Variants in PIEZO2 observed in about 807,000 individuals in gnomAD.
PIEZO2 encodes the protein piezo-type mechanosensitive ion channel component 2.
A neutral mutation model predicts 337.3 loss-of-function variants in PIEZO2; 172 were observed. The observed-to-expected ratio is 0.51, with a 90% confidence interval of 0.45 to 0.58. The LOEUF (loss-of-function observed/expected upper bound fraction) is 0.58. Ranked by LOEUF, PIEZO2 falls within the 20% of genes least tolerant of loss-of-function variation. The pLI, the probability that PIEZO2 is intolerant of heterozygous loss-of-function variation, is 0.00. For synonymous variants in PIEZO2, 1,251 were observed against 1,228.5 expected (o/e 1.02, Z -0.38); for missense variants, 3,028 against 3,391.3 (o/e 0.89, Z 2.66).
intron 2 of PIEZO2, among the ~76,000 whole-genome samples, chr18:11,060,738 C>T (rs2037919265): frequency 6.6e-6 from 1 of 152,182 alleles, no homozygotes; most frequent in Non-Finnish European, 1.5e-5. Context: ...AGACCAATAA[C>T]AGGCTCTGAA....
At chr18:10,709,449 T>G (rs1019742166) in intron 39 of PIEZO2, 1 of 152,278 alleles carries the variant, frequency 6.6e-6, no homozygotes, top group African/African-American at 2.4e-5. Flanking sequence ...ACTTGTGTGC[T>G]CATGGGCTGG....
At chr18:10,880,037 G>A (rs1338180243) in intron 4 of PIEZO2, among the ~76,000 whole-genome samples, 3 of 152,166 alleles carry the variant, frequency 2.0e-5, no homozygotes, top group African/African-American at 7.2e-5. Flanking sequence ...TACAATTAAC[G>A]GTATTGGTAA....
In PIEZO2 at chr18:10,892,130, T is replaced by C. The variant is rs181733381; in HGVS notation, c.329+19056A>G. Among the ~76,000 whole-genome samples, 31 of 152,256 alleles carry C rather than the reference T, an allele frequency of 2.0e-4. No homozygotes were observed. In the East Asian group the frequency reaches 6.0e-3, roughly 29 times the overall value. ...CATTCATAGCAGCTCTACTCATAAT[T>C]GCCCAAAACTGAAAACAACCCAATT... is the stretch of plus-strand genomic sequence containing the variant. On this transcript the variant is annotated intron_variant, in intron 4 of 55. Transcript: ENST00000674853.
In PIEZO2 at chr18:10,744,240, A is replaced by G; in HGVS notation, c.4425-9T>C. The G allele has an allele frequency of 6.7e-7, 1 of 1,492,516 alleles. No individual in the cohort carries two copies. The highest frequency in any genetic ancestry group is 9.0e-7 in the Non-Finnish European group (1 of 1,106,732). The allele number at this position is 1,492,516 out of a possible 1,614,324, so 92.5% of individuals were successfully genotyped here. On this transcript the variant is annotated splice_polypyrimidine_tract_variant and intron_variant, in intron 30 of 55. Coordinates refer to ENST00000674853, the MANE Select transcript of PIEZO2 (RefSeq NM_001378183.1). ...GGAAAAGTTCAGCTCCTCTAAAGGG[A>G]AAGTGGAAACATGAACAAGTCAATA...
chr18:11,079,380 G>A (rs769627139), intron 1 of PIEZO2, among the ~76,000 whole-genome samples: 1 of 152,168 alleles, frequency 6.6e-6, no homozygotes, highest in African/African-American at 2.4e-5. Flanking sequence ...ATCTTTGCTA[G>A]ACCACTTGGC....
chr18:10,897,756 G>A (rs2042940532), intron 4 of PIEZO2, among the ~76,000 whole-genome samples: 1 of 152,214 alleles, frequency 6.6e-6, no homozygotes, highest in Admixed American at 6.5e-5. Context: ...AAGGTGAAAG[G>A]AAAATCCAAT....
In PIEZO2 at chr18:11,104,334, C is replaced by T. The variant is rs2039500332; in HGVS notation, c.65-38112G>A. Among the ~76,000 whole-genome samples, 1 of 152,136 alleles carries T rather than the reference C, an allele frequency of 6.6e-6. No homozygotes were observed. The highest frequency in any genetic ancestry group is 1.5e-5 in the Non-Finnish European group (1 of 68,018). On this transcript the variant is annotated intron_variant, in intron 1 of 55. Transcript: ENST00000674853. The surrounding 1 kb of genome is among the most constrained non-coding windows in gnomAD (Gnocchi z 4.6). ...AAGCTATGCTGTTAGCCCTAGCCAC[C>T]CCACCTCAAGCCAGGAGGCTCTTTC...
intron 4 of PIEZO2, among the ~76,000 whole-genome samples, chr18:10,871,710 A>T (rs1029950819): frequency 3.3e-5 from 5 of 152,376 alleles, no homozygotes; most frequent in East Asian, 1.9e-4. Flanking sequence ...CCACATGTCC[A>T]GTACAAATGC....
At chr18:11,141,491 C>T (rs1001414611) in intron 1 of PIEZO2, among the ~76,000 whole-genome samples, 2 of 152,102 alleles carry the variant, frequency 1.3e-5, no homozygotes, top group Non-Finnish European at 2.9e-5. Context: ...CTGCATGCTG[C>T]GGGGCGCACA....
At chr18:11,107,894 G>A (rs192144273) in intron 1 of PIEZO2, among the ~76,000 whole-genome samples, 26 of 152,252 alleles carry the variant, frequency 1.7e-4, no homozygotes, top group African/African-American at 5.3e-4. Context: ...GCTTGGCAAC[G>A]GCTTTAAGTA....
intron 7 of PIEZO2, among the ~76,000 whole-genome samples, chr18:10,817,597 A>C (rs1249483135): frequency 6.6e-6 from 1 of 152,156 alleles, no homozygotes; most frequent in Non-Finnish European, 1.5e-5. Flanking sequence ...TCATGTTTTA[A>C]GATTGAACAA....
chr18:11,097,167 C>G lies in PIEZO2; in HGVS notation c.65-30945G>C, dbSNP rs1039202500. 2.0e-5 allele frequency among the ~76,000 whole-genome samples: 3 copies of G among 152,056 alleles called. No homozygotes were observed. The highest frequency in any genetic ancestry group is 7.2e-5 in the African/African-American group (3 of 41,388). ...CAAACTACATCCCTCCGGCTAAATC[C>G]CGCCCCACAAACTAAGAATGCTTTT... is the stretch of plus-strand genomic sequence containing the variant. On this transcript the variant is annotated intron_variant, in intron 1 of 55. Coordinates refer to ENST00000674853, the MANE Select transcript of PIEZO2 (RefSeq NM_001378183.1). This position sits in a 1 kb window ranked among gnomAD's most constrained non-coding sequence, Gnocchi z 5.0.
chr18:11,059,704 TA>T lies in PIEZO2; in HGVS notation c.160+6422del, dbSNP rs529370932. Among the ~76,000 whole-genome samples the T allele has an allele frequency of 4.3e-4, 66 of 152,294 alleles. No homozygotes were observed. The South Asian group carries it at 0.013, about 31-fold the overall frequency. On this transcript the variant is annotated intron_variant, in intron 2 of 55. Coordinates refer to ENST00000674853, the MANE Select transcript of PIEZO2 (RefSeq NM_001378183.1). ...AAGGGATCAATTCAACAAGAAGGGC[TA>T]ACTACCCTAAATATATATGCACCCA...
rs1302162202 is a variant in PIEZO2 at position 10,766,762 on chromosome 18, T to C, written c.2946+3386A>G. Reference sequence around the variant, plus strand: ...GCAGTTATTATCACTTTTAGTTTTATTTGGCAGCCATTCCCATCAGGCTGT... The same window carrying C: ...GCAGTTATTATCACTTTTAGTTTTACTTGGCAGCCATTCCCATCAGGCTGT... On this transcript the variant is annotated intron_variant, in intron 21 of 55. Coordinates refer to ENST00000674853, the MANE Select transcript of PIEZO2 (RefSeq NM_001378183.1). The surrounding 1 kb of genome is among the most constrained non-coding windows in gnomAD (Gnocchi z 6.1). 6.6e-6 allele frequency among the ~76,000 whole-genome samples: 1 copy of C among 152,268 alleles called. No individual in the cohort carries two copies. The highest frequency in any genetic ancestry group is 1.5e-5 in the Non-Finnish European group (1 of 68,052).
intron 2 of PIEZO2, among the ~76,000 whole-genome samples, chr18:11,041,249 T>C (rs980234655): frequency 2.6e-5 from 4 of 152,176 alleles, no homozygotes; most frequent in Admixed American, 1.3e-4. Flanking sequence ...ATATGCAAAA[T>C]TCAAAGTTCA....
rs1035584468 is a variant in PIEZO2 at position 11,016,131 on chromosome 18, T to A, written c.161-36471A>T. Among the ~76,000 whole-genome samples, 2 of 152,132 alleles carry A rather than the reference T, an allele frequency of 1.3e-5. No individual in the cohort carries two copies. Among genetic ancestry groups the A allele is most frequent in the Non-Finnish European group, 2.9e-5 (2 of 68,028 alleles). ...CAGCAGGACCTCTTATTAACCTCTGTTAATACCTCAATTTAGCAAATGTAA... is the reference window on the plus strand; with the variant it reads ...CAGCAGGACCTCTTATTAACCTCTGATAATACCTCAATTTAGCAAATGTAA... On this transcript the variant is annotated intron_variant, in intron 2 of 55. Transcript: ENST00000674853. This position sits in a 1 kb window ranked among gnomAD's most constrained non-coding sequence, Gnocchi z 5.6.
chr18:10,950,256 A>G (rs549344797), intron 3 of PIEZO2, among the ~76,000 whole-genome samples: 6 of 152,334 alleles, frequency 3.9e-5, no homozygotes, highest in East Asian at 1.9e-4. Context: ...GAAAGTCAAT[A>G]GATAATCACC....
intron 45 of PIEZO2, 24 bp from the exon 46 acceptor site, chr18:10,696,563 C>T (rs778413817): frequency 6.2e-7 from 1 of 1,612,052 alleles, no homozygotes; most frequent in Non-Finnish European, 8.5e-7. Context: ...ACCCCCACCC[C>T]CAACCCACTT....
chr18:10,857,323 A>C, intron 5 of PIEZO2, 112 bp from the exon 6 acceptor site: 1 of 896,364 alleles, frequency 1.1e-6, no homozygotes, highest in Non-Finnish European at 1.7e-6. Context: ...TTCACAGATC[A>C]GGAAAAAAGG....
Sources: allele counts gnomAD v4.1 joint callset (sites outside exome capture counted in the v4.1 genomes callset), GRCh38; gene constraint gnomAD v4.1.1; non-coding constraint Gnocchi (gnomAD v3.1); transcripts MANE v1.5; gene names NCBI Gene and HGNC (gene_info 2026-07-23, HGNC 2026-07-21).